PTCHD4: variants seen among roughly 807,000 people sequenced by gnomAD.
The protein encoded by PTCHD4 is patched domain containing 4, also known as patched domain-containing protein 4.
Under a neutral mutation model 58.1 loss-of-function variants are expected in PTCHD4, and 33 were observed. The ratio of observed to expected loss-of-function variants is 0.57; its 90% confidence interval spans 0.43 to 0.76. The LOEUF is 0.76. Ranked by LOEUF, PTCHD4 falls within the 30% of genes least tolerant of loss-of-function variation. The pLI, the probability that PTCHD4 is intolerant of heterozygous loss-of-function variation, is 0.00. For missense variants in PTCHD4, 1,058 were observed against 1,027.1 expected (o/e 1.03, Z -0.41); for synonymous variants, 478 against 409.6 (o/e 1.17, Z -2.02).
chr6:47,954,228 A>G (rs1049134216), intron 4 of PTCHD4, among the ~76,000 whole-genome samples: 8 of 152,148 alleles, frequency 5.3e-5, no homozygotes, highest in African/African-American at 1.4e-4. Flanking sequence ...GTGGTAGCAC[A>G]CATCTGTAAT....
At chr6:48,031,687 T>A (rs565876265) in intron 3 of PTCHD4, among the ~76,000 whole-genome samples, 16 of 152,154 alleles carry the variant, frequency 1.1e-4, no homozygotes, top group Non-Finnish European at 1.5e-4. Context: ...ACACCTCTTG[T>A]ATAGTCTCCA....
intron 1 of PTCHD4, among the ~76,000 whole-genome samples, chr6:48,101,912 G>T (rs1765611423): frequency 2.0e-5 from 3 of 152,138 alleles, no homozygotes. Context: ...AGATGATGCT[G>T]CCTCTCTATG....
rs192984279 is a variant in PTCHD4, at chr6:48,032,454, G to A, written c.418-23340C>T. 3.0e-3 allele frequency among the ~76,000 whole-genome samples: 452 copies of A among 152,016 alleles called. 1 individual carries two copies. The highest frequency in any genetic ancestry group is 9.8e-3 in the African/African-American group (406 of 41,488). On this transcript the variant is annotated intron_variant, in intron 3 of 4. Transcript: ENST00000339488. Reference sequence around the variant, plus strand: ...TGTGTGTGCGTGTGTATGTGTGTGTGTGTGTGTTTATGTAGTGGGAAGGGA... The same window carrying A: ...TGTGTGTGCGTGTGTATGTGTGTGTATGTGTGTTTATGTAGTGGGAAGGGA...
intron 1 of PTCHD4, among the ~76,000 whole-genome samples, chr6:48,094,470 T>A (rs1765423348): frequency 6.6e-6 from 1 of 152,046 alleles, no homozygotes; most frequent in Middle Eastern, 3.2e-3. Context: ...AATTAGAAAA[T>A]AAGGAAGTCT....
chr6:47,995,284 T>G (rs1218730265), intron 4 of PTCHD4, among the ~76,000 whole-genome samples: 1 of 152,104 alleles, frequency 6.6e-6, no homozygotes, highest in Non-Finnish European at 1.5e-5. Flanking sequence ...GAGCATCTGT[T>G]TTACATACAC....
At chr6:48,052,776 T>A (rs1217589236) in intron 3 of PTCHD4, among the ~76,000 whole-genome samples, 2 of 152,096 alleles carry the variant, frequency 1.3e-5, no homozygotes, top group Non-Finnish European at 2.9e-5. Flanking sequence ...CCTTTTGTAA[T>A]GTAAAATTTC....
At chr6:48,054,302 T>C (rs1764335608) in intron 3 of PTCHD4, among the ~76,000 whole-genome samples, 1 of 152,152 alleles carries the variant, frequency 6.6e-6, no homozygotes, top group Non-Finnish European at 1.5e-5. Context: ...AACAAAGCAA[T>C]TTACAGCATG....
At chr6:47,938,648 T>C (rs1019550038) in intron 4 of PTCHD4, among the ~76,000 whole-genome samples, 1 of 152,282 alleles carries the variant, frequency 6.6e-6, no homozygotes, top group South Asian at 2.1e-4. Context: ...CAGGGAAAAT[T>C]CAGGTATGTG....
At chr6:47,988,663 G>A (rs1400076064) in intron 4 of PTCHD4, among the ~76,000 whole-genome samples, 3 of 152,162 alleles carry the variant, frequency 2.0e-5, no homozygotes, top group African/African-American at 7.2e-5. Context: ...GTCTATCAGG[G>A]GGTTCTGCTT....
chr6:47,979,872 T>C (rs1438886192), intron 4 of PTCHD4, among the ~76,000 whole-genome samples: 1 of 152,070 alleles, frequency 6.6e-6, no homozygotes, highest in Non-Finnish European at 1.5e-5. Context: ...CTCATTCATA[T>C]AGTTCTTTTT....
At chr6:47,922,230 T>G (rs1018753868) in intron 4 of PTCHD4, among the ~76,000 whole-genome samples, 2 of 152,210 alleles carry the variant, frequency 1.3e-5, no homozygotes, top group Non-Finnish European at 2.9e-5. Context: ...ATTTTCATTT[T>G]CAACTGAACA....
chr6:48,006,272 T>C (rs1762436697), intron 4 of PTCHD4, among the ~76,000 whole-genome samples: 1 of 152,206 alleles, frequency 6.6e-6, no homozygotes, highest in South Asian at 2.1e-4. Context: ...TTTCCCTCAC[T>C]GTGGCTTTTA....
chr6:48,036,305 C>T (rs1042134681), intron 3 of PTCHD4, among the ~76,000 whole-genome samples: 2 of 152,110 alleles, frequency 1.3e-5, no homozygotes, highest in African/African-American at 4.8e-5. Context: ...GGTCAAAGTG[C>T]TCAGGTGAGG....
Position 48,068,150 on chromosome 6 carries a change from T to C in PTCHD4, c.417+80A>G, listed in dbSNP as rs1301774784. 23 of 1,423,410 alleles carry C rather than the reference T, an allele frequency of 1.6e-5. No individual in the cohort carries two copies. Among genetic ancestry groups the C allele is most frequent in the Non-Finnish European group, 2.1e-5 (22 of 1,052,686 alleles). The allele number at this position is 1,423,410 out of a possible 1,614,324, so 88.2% of individuals were successfully genotyped here. A position where few individuals can be genotyped will look rare whatever the true frequency, so the allele number is the denominator to read the frequency against. ...GAGATCCTCTAGCACTGAAATAATATCATCCAGCACGCATTTCTTATCCTG... is the reference window on the plus strand; with the variant it reads ...GAGATCCTCTAGCACTGAAATAATACCATCCAGCACGCATTTCTTATCCTG... On this transcript the variant is annotated intron_variant, in intron 3 of 4. Transcript: ENST00000339488. The surrounding 1 kb of genome is among the most constrained non-coding windows in gnomAD (Gnocchi z 4.2).
chr6:48,056,989 G>T (rs1000022864), intron 3 of PTCHD4, among the ~76,000 whole-genome samples: 2 of 152,058 alleles, frequency 1.3e-5, no homozygotes, highest in Non-Finnish European at 2.9e-5. Context: ...AAACCAAAAA[G>T]TTATTCTTTA....
Position 47,878,040 on chromosome 6 carries a change from T to G in PTCHD4, c.*263A>C, listed in dbSNP as rs146668719. On this transcript the variant is annotated 3_prime_UTR_variant, in exon 5 of 5. Transcript: ENST00000339488. Reference sequence around the variant, plus strand: ...CCTTCTATCTTAACACTCCATTGATTCATCCATTCCTTGGAAGAGCTCTCA... The same window carrying G: ...CCTTCTATCTTAACACTCCATTGATGCATCCATTCCTTGGAAGAGCTCTCA... 5.7e-4 allele frequency: 188 copies of G among 327,544 alleles called. No homozygotes were observed. In the East Asian group the frequency reaches 8.6e-3, roughly 15 times the overall value. The allele number at this position is 327,544 out of a possible 1,614,324, so 20.3% of individuals were successfully genotyped here. A position where few individuals can be genotyped will look rare whatever the true frequency, so the allele number is the denominator to read the frequency against.
intron 1 of PTCHD4, among the ~76,000 whole-genome samples, chr6:48,078,986 C>G (rs1039775839): frequency 7.2e-5 from 11 of 151,930 alleles, no homozygotes; most frequent in Admixed American, 6.5e-4. Flanking sequence ...GGGCGTGGTG[C>G]CGGGCGCCTG....
chr6:47,935,759 A>G (rs1488471439), intron 4 of PTCHD4, among the ~76,000 whole-genome samples: 3 of 152,228 alleles, frequency 2.0e-5, no homozygotes, highest in South Asian at 4.1e-4. Context: ...CAGAAAAGGA[A>G]GCATTCTTGC....
chr6:47,962,260 C>A (rs1190693562), intron 4 of PTCHD4, among the ~76,000 whole-genome samples: 2 of 152,130 alleles, frequency 1.3e-5, no homozygotes, highest in Non-Finnish European at 2.9e-5. Context: ...ATGGCCTTTG[C>A]AGATTAAGGG....
Sources: allele counts gnomAD v4.1 joint callset (sites outside exome capture counted in the v4.1 genomes callset), GRCh38; gene constraint gnomAD v4.1.1; non-coding constraint Gnocchi (gnomAD v3.1); transcripts MANE v1.5; gene names NCBI Gene and HGNC (gene_info 2026-07-23, HGNC 2026-07-21).